The following JAKMIP3 variants were observed in gnomAD, a reference collection of about 807,000 sequenced individuals.
JAKMIP3 encodes the protein janus kinase and microtubule-interacting protein 3.
A neutral mutation model predicts 118.5 loss-of-function variants in JAKMIP3; 58 were observed. That is an observed-to-expected ratio of 0.49 (90% CI 0.40 to 0.61). JAKMIP3 has a LOEUF of 0.61. Ranked by LOEUF, JAKMIP3 falls within the 20% of genes least tolerant of loss-of-function variation. The pLI is 0.00. For missense variants in JAKMIP3, 950 were observed against 1,109.0 expected, an observed-to-expected ratio of 0.86 and a Z score of 2.04; for synonymous variants, 486 against 451.2, an observed-to-expected ratio of 1.08 and a Z score of -0.98.
chr10:132,053,347 T>A (rs1329409198), intron 1 of JAKMIP3, among the ~76,000 whole-genome samples: 1 of 152,212 alleles, frequency 6.6e-6, no homozygotes, highest in African/African-American at 2.4e-5. Flanking sequence ...TATAGTTCTG[T>A]TTCCTCTTAC....
chr10:132,133,203 T>C (rs2050980944), intron 3 of JAKMIP3, 109 bp from the exon 4 acceptor site: 1 of 960,408 alleles, frequency 1.0e-6, no homozygotes, highest in Non-Finnish European at 1.6e-6. Context: ...ATGCTTCGCT[T>C]TTGCTTCCGG....
At chr10:132,099,649 C>A (rs1036828563) in intron 1 of JAKMIP3, among the ~76,000 whole-genome samples, 1 of 152,110 alleles carries the variant, frequency 6.6e-6, no homozygotes, top group Admixed American at 6.5e-5. Context: ...CTTATTTTTC[C>A]TGGTCAAATG....
chr10:132,148,569 T>C (rs1013956276), intron 14 of JAKMIP3, among the ~76,000 whole-genome samples: 3 of 152,170 alleles, frequency 2.0e-5, no homozygotes, highest in Non-Finnish European at 4.4e-5. Flanking sequence ...TGTGGGGCTC[T>C]GTCCAGGCCT....
chr10:132,159,263 GT>G (rs2057521691), intron 19 of JAKMIP3, among the ~76,000 whole-genome samples: 1 of 133,418 alleles, frequency 7.5e-6, no homozygotes, highest in Non-Finnish European at 1.6e-5. Context: ...CCTGTGTGAT[GT>G]CGGGGGCACC....
chr10:132,168,305 C>T lies in JAKMIP3; in HGVS notation c.*375C>T, dbSNP rs868005554. 67 of 1,289,514 alleles carry T rather than the reference C, an allele frequency of 5.2e-5. No individual in the cohort carries two copies. In the African/African-American group the frequency reaches 5.3e-4, roughly 10 times the overall value. 79.9% of individuals were successfully genotyped at this position (1,289,514 alleles called of 1,614,324 possible). A position where few individuals can be genotyped will look rare whatever the true frequency, so the allele number is the denominator to read the frequency against. ...ACTGCTTCTGTGCAGAAGCACCAGC[C>T]GCGGGTCCCCTCCTCTCTCTTGGTT... On this transcript the variant is annotated 3_prime_UTR_variant, in exon 23 of 24. Transcript: ENST00000684848.
At chr10:132,109,976 C>A (rs532025897) in intron 2 of JAKMIP3, among the ~76,000 whole-genome samples, 3 of 152,204 alleles carry the variant, frequency 2.0e-5, no homozygotes, top group Admixed American at 6.5e-5. Flanking sequence ...AAAGTAATAT[C>A]GTCATTACAA....
rs2052808838 is a variant in JAKMIP3, at chr10:132,139,324, G to GTGAA, written c.1345-1125_1345-1124insAATG. On this transcript the variant is annotated intron_variant, in intron 9 of 23. Transcript: ENST00000684848. ...TGTGTGTGAGTGTGTATGTGTATGT[G>GTGAA]TGTGTGTTTGTATGTGTGTACATGT... is the stretch of plus-strand genomic sequence containing the variant. Among the ~76,000 whole-genome samples, 2 of 121,234 alleles carry GTGAA rather than the reference G, an allele frequency of 1.6e-5. 1 individual carries two copies. The highest frequency in any genetic ancestry group is 7.1e-5 in the African/African-American group (2 of 28,068). 79.5% of individuals were successfully genotyped at this position (121,234 alleles called of 152,430 possible).
chr10:132,049,372 CTT>C lies in JAKMIP3; in HGVS notation c.-138+12636_-138+12637del, dbSNP rs2038033890. Among the ~76,000 whole-genome samples, 2 of 152,100 alleles carry C rather than the reference CTT, an allele frequency of 1.3e-5. No individual in the cohort carries two copies. Among genetic ancestry groups the C allele is most frequent in the South Asian group, 4.1e-4 (2 of 4,826 alleles). On this transcript the variant is annotated intron_variant, in intron 1 of 23. Coordinates refer to the JAKMIP3 transcript ENST00000657785. The surrounding 1 kb of genome is among the most constrained non-coding windows in gnomAD (Gnocchi z 4.3). ...TTTCTTGCTGACCTGTTACTTTTCTCTTTATGTCATTTTATTTTCTTGTTTCT... is the reference window on the plus strand; with the variant it reads ...TTTCTTGCTGACCTGTTACTTTTCTCTATGTCATTTTATTTTCTTGTTTCT...
At position 132,180,756 on chromosome 10, in the gene JAKMIP3, T is replaced by TGTGTGTGC. The variant is rs1554963446; in HGVS notation, c.*1104-1598_*1104-1597insTGTGCGTG. On this transcript the variant is annotated intron_variant, in intron 23 of 23. Transcript: ENST00000684848. ...GTGTGTGCGTGCGTGCGCGCGCGTG[T>TGTGTGTGC]GTGCGTGTGTGTGCGTGTGTGTGTG... is the stretch of plus-strand genomic sequence containing the variant. Among the ~76,000 whole-genome samples the TGTGTGTGC allele has an allele frequency of 3.2e-4, 10 of 31,080 alleles. 4 individuals are homozygous for TGTGTGTGC. Among genetic ancestry groups the TGTGTGTGC allele is most frequent in the South Asian group, 2.3e-3 (2 of 864 alleles). The allele number at this position is 31,080 out of a possible 152,430, so 20.4% of individuals were successfully genotyped here. A position where few individuals can be genotyped will look rare whatever the true frequency, so the allele number is the denominator to read the frequency against.
At chr10:132,122,254 C>T (rs1001938033) in intron 3 of JAKMIP3, among the ~76,000 whole-genome samples, 9 of 151,790 alleles carry the variant, frequency 5.9e-5, no homozygotes, top group South Asian at 2.1e-4. Flanking sequence ...GCCCTGACTG[C>T]CCCCCGGTCG....
chr10:132,153,697 C>T, intron 17 of JAKMIP3, 62 bp from the exon 18 acceptor site: 1 of 1,523,276 alleles, frequency 6.6e-7, no homozygotes, highest in South Asian at 1.1e-5. Flanking sequence ...TCCCAGCTGT[C>T]TCCACGAGCC....
chr10:132,070,211 G>A (rs186417012), intron 1 of JAKMIP3, among the ~76,000 whole-genome samples: 4 of 151,914 alleles, frequency 2.6e-5, no homozygotes, highest in Admixed American at 1.3e-4. Context: ...GCAGTGGCGC[G>A]TTCTTGGCTT....
Position 132,082,003 on chromosome 10 carries a change from G to A in JAKMIP3, c.-138+15942G>A, listed in dbSNP as rs1257669928. On this transcript the variant is annotated intron_variant, in intron 1 of 23. Coordinates refer to ENST00000684848, the MANE Select transcript of JAKMIP3 (RefSeq NM_001323087.2). The stretch of plus-strand genomic sequence containing the variant: ...ATTCTGTCATCTGTGTCATGTCTGC[G>A]TTTGTCTCTGTGGGTCGGCTTTACC... 5.9e-5 allele frequency among the ~76,000 whole-genome samples: 9 copies of A among 151,772 alleles called. No homozygotes were observed. In the East Asian group the frequency reaches 7.8e-4, roughly 13 times the overall value.
At chr10:132,116,569 A>G (rs1294182759) in intron 2 of JAKMIP3, among the ~76,000 whole-genome samples, 5 of 64,064 alleles carry the variant, frequency 7.8e-5, no homozygotes, top group Non-Finnish European at 2.9e-5. Flanking sequence ...TGTGTGCATC[A>G]TGGACGCTCC....
In JAKMIP3 at chr10:132,168,715, G is replaced by A. The variant is rs949021097; in HGVS notation, c.*785G>A. 2.5e-5 allele frequency: 7 copies of A among 279,234 alleles called. No homozygotes were observed. Among genetic ancestry groups the A allele is most frequent in the East Asian group, 1.2e-4 (1 of 8,244 alleles). The allele number at this position is 279,234 out of a possible 1,614,324, so 17.3% of individuals were successfully genotyped here. A position where few individuals can be genotyped will look rare whatever the true frequency, so the allele number is the denominator to read the frequency against. ...ACCGCGGGACTGAGCCAAGGAAGGC[G>A]TGGGGAGCGTGGTGACAGGAGGTGG... On this transcript the variant is annotated 3_prime_UTR_variant, in exon 23 of 24. Transcript: ENST00000684848.
intron 16 of JAKMIP3, among the ~76,000 whole-genome samples, chr10:132,152,139 G>T (rs372595547): frequency 6.6e-6 from 1 of 152,352 alleles, no homozygotes; most frequent in African/African-American, 2.4e-5. Context: ...GTTCTTGCCT[G>T]AGTCAGGAGT....
At chr10:132,047,201 C>T (rs985819169) in intron 1 of JAKMIP3, among the ~76,000 whole-genome samples, 6 of 152,114 alleles carry the variant, frequency 3.9e-5, no homozygotes, top group Non-Finnish European at 4.4e-5. Flanking sequence ...GGTAAAAAGG[C>T]GGGGCAGGGA....
upstream of JAKMIP3, among the ~76,000 whole-genome samples, chr10:132,059,705 C>T (rs909679492): frequency 4.6e-5 from 7 of 152,226 alleles, no homozygotes; most frequent in African/African-American, 1.7e-4. Context: ...CACCCACCTG[C>T]AGGAATGAGG....
intron 1 of JAKMIP3, among the ~76,000 whole-genome samples, chr10:132,043,743 C>A (rs2037828568): frequency 1.3e-5 from 2 of 152,168 alleles, no homozygotes; most frequent in African/African-American, 4.8e-5. Flanking sequence ...CCCTTTCCAG[C>A]CCTGGCTCTT....
Sources: gnomAD v4.1 joint callset for allele counts (sites outside exome capture counted in the v4.1 genomes callset) on GRCh38, gnomAD v4.1.1 for gene constraint, Gnocchi (gnomAD v3.1) non-coding constraint, MANE v1.5 for transcripts, NCBI Gene and HGNC (gene_info 2026-07-23, HGNC 2026-07-21) for gene names.